Variants in PDE4D observed in about 807,000 individuals in gnomAD.
PDE4D encodes 3',5'-cyclic-AMP phosphodiesterase 4D.
Under a neutral mutation model 87.4 loss-of-function variants are expected in PDE4D, and 24 were observed. The observed-to-expected ratio is 0.27, with a 90% CI of 0.20 to 0.39. The LOEUF (loss-of-function observed/expected upper bound fraction) is 0.39. PDE4D is among the 10% of genes least tolerant of loss of function. The pLI is 1.00. For synonymous variants in PDE4D, 384 were observed against 383.2 expected, an observed-to-expected ratio of 1.00 and a Z score of -0.02; for missense variants, 714 against 1,041.0, an observed-to-expected ratio of 0.69 and a Z score of 4.32.
At chr5:59,221,618 C>T (rs1306374657) in intron 1 of PDE4D, among the ~76,000 whole-genome samples, 5 of 151,680 alleles carry the variant, frequency 3.3e-5, no homozygotes, top group South Asian at 4.2e-4. Flanking sequence ...GGCGACAGAG[C>T]GAGACTCTGT....
chr5:59,193,311 T>C lies in PDE4D; in HGVS notation c.684+189A>G, dbSNP rs530017465. ...GACACTCTTTGGTACTATGGGTTTATAGGAAACAGATTAATATAGCCAAAG... is the reference window on the plus strand; with the variant it reads ...GACACTCTTTGGTACTATGGGTTTACAGGAAACAGATTAATATAGCCAAAG... On this transcript the variant is annotated intron_variant, in intron 3 of 14. Transcript: ENST00000340635. Among the ~76,000 whole-genome samples the C allele has an allele frequency of 7.9e-5, 12 of 152,336 alleles. No individual in the cohort carries two copies. The South Asian group carries it at 2.5e-3, about 32-fold the overall frequency.
intron 2 of PDE4D, among the ~76,000 whole-genome samples, chr5:60,175,409 C>T (rs1046893079): frequency 6.6e-6 from 1 of 152,016 alleles, no homozygotes; most frequent in East Asian, 1.9e-4. Flanking sequence ...TTATATGTGT[C>T]CCATATATCA....
chr5:60,037,531 TTAA>T (rs1439911896), intron 2 of PDE4D, among the ~76,000 whole-genome samples: 1 of 152,230 alleles, frequency 6.6e-6, no homozygotes, highest in East Asian at 1.9e-4. Context: ...TTCATTGGTT[TTAA>T]TAATGTTTAT....
chr5:60,445,069 G>A (rs539878179), intron 1 of PDE4D, among the ~76,000 whole-genome samples: 44 of 152,198 alleles, frequency 2.9e-4, no homozygotes, highest in African/African-American at 1.0e-3. Context: ...AGGGCGTAAC[G>A]TGATCCAATT....
intron 3 of PDE4D, among the ~76,000 whole-genome samples, chr5:59,943,777 C>T (rs919929483): frequency 6.6e-6 from 1 of 152,154 alleles, no homozygotes; most frequent in Non-Finnish European, 1.5e-5. Flanking sequence ...TTGTTCCCTG[C>T]CCCTAAGGAA....
intron 5 of PDE4D, among the ~76,000 whole-genome samples, chr5:59,068,191 C>A (rs1764213660): frequency 6.6e-6 from 1 of 152,164 alleles, no homozygotes; most frequent in Non-Finnish European, 1.5e-5. Flanking sequence ...TAAAGCTTGT[C>A]CCTAAGCCAT....
chr5:60,008,192 C>A (rs1582152343), intron 2 of PDE4D, among the ~76,000 whole-genome samples: 2 of 151,924 alleles, frequency 1.3e-5, no homozygotes, highest in East Asian at 1.9e-4. Flanking sequence ...ATCTCTCCAA[C>A]CCCAACCTTG....
chr5:60,469,280 C>T (rs1373878822), intron 1 of PDE4D, among the ~76,000 whole-genome samples: 1 of 152,092 alleles, frequency 6.6e-6, no homozygotes, highest in Non-Finnish European at 1.5e-5. Flanking sequence ...TCCTTTCCTT[C>T]ACTCCACCCC....
intron 2 of PDE4D, among the ~76,000 whole-genome samples, chr5:59,211,833 G>A (rs1290334160): frequency 6.6e-6 from 1 of 151,960 alleles, no homozygotes; most frequent in African/African-American, 2.4e-5. Context: ...ATAAGATGAC[G>A]ATATCCTATC....
At chr5:59,201,627 A>T (rs1311681576) in intron 2 of PDE4D, among the ~76,000 whole-genome samples, 1 of 152,192 alleles carries the variant, frequency 6.6e-6, no homozygotes, top group African/African-American at 2.4e-5. Context: ...GATCCTCTGT[A>T]TTGCTTGGCC....
At chr5:59,933,618 G>C (rs1274491256) in intron 3 of PDE4D, among the ~76,000 whole-genome samples, 2 of 152,058 alleles carry the variant, frequency 1.3e-5, no homozygotes, top group East Asian at 3.9e-4. Flanking sequence ...CAGGAAACAG[G>C]ATTCCTAAGA....
intron 2 of PDE4D, among the ~76,000 whole-genome samples, chr5:60,163,788 C>G (rs540540038): frequency 1.3e-5 from 2 of 152,248 alleles, no homozygotes; most frequent in South Asian, 4.1e-4. Flanking sequence ...CACGCCAAGC[C>G]TTGAGTTAAA....
intron 1 of PDE4D, among the ~76,000 whole-genome samples, chr5:59,446,749 A>G (rs1226923377): frequency 6.6e-6 from 1 of 152,216 alleles, no homozygotes; most frequent in African/African-American, 2.4e-5. Flanking sequence ...AAACTCCATT[A>G]CATTAATGGG....
intron 1 of PDE4D, among the ~76,000 whole-genome samples, chr5:59,871,473 C>A (rs1019566242): frequency 2.0e-5 from 3 of 152,176 alleles, no homozygotes; most frequent in African/African-American, 7.2e-5. Context: ...TGTAAAGTAA[C>A]AAATGTGTAT....
intron 1 of PDE4D, among the ~76,000 whole-genome samples, chr5:59,881,798 G>GA (rs1392125009): frequency 6.6e-6 from 1 of 152,086 alleles, no homozygotes; most frequent in East Asian, 1.9e-4. Flanking sequence ...ACATGTAATT[G>GA]AAAATATAAT....
intron 2 of PDE4D, among the ~76,000 whole-genome samples, chr5:60,180,180 T>C (rs895709284): frequency 1.2e-4 from 19 of 152,218 alleles, no homozygotes; most frequent in African/African-American, 4.6e-4. Flanking sequence ...AAAACAGTCA[T>C]GTGACATGTG....
At chr5:60,349,343 G>A (rs188114539) in intron 1 of PDE4D, among the ~76,000 whole-genome samples, 16 of 152,162 alleles carry the variant, frequency 1.1e-4, no homozygotes, top group East Asian at 1.9e-4. Flanking sequence ...TCCTAGTTAC[G>A]ATGAATAAAA....
At chr5:60,423,365 A>T (rs1743317234) in intron 1 of PDE4D, among the ~76,000 whole-genome samples, 1 of 152,242 alleles carries the variant, frequency 6.6e-6, no homozygotes, top group African/African-American at 2.4e-5. Flanking sequence ...CAATGCAATC[A>T]AATTAGAACT....
intron 1 of PDE4D, among the ~76,000 whole-genome samples, chr5:60,207,319 C>A (rs1419079250): frequency 3.3e-5 from 5 of 152,176 alleles, no homozygotes; most frequent in African/African-American, 1.2e-4. Context: ...GCTTTGAGTG[C>A]CTTGCTTGGC....
Sources: gnomAD v4.1 joint callset for allele counts (sites outside exome capture counted in the v4.1 genomes callset) on GRCh38, gnomAD v4.1.1 for gene constraint, MANE v1.5 for transcripts, NCBI Gene and HGNC (gene_info 2026-07-23, HGNC 2026-07-21) for gene names.